The following BEST3 variants were observed in gnomAD, a reference collection of about 807,000 sequenced individuals.
The protein encoded by BEST3 is bestrophin-3.
Under a neutral mutation model 47.1 loss-of-function variants are expected in BEST3, and 50 were observed. That is an observed-to-expected ratio of 1.06 (90% CI 0.85 to 1.34). BEST3 has a LOEUF of 1.34. Ranked by LOEUF, BEST3 falls within the 40% of genes most tolerant of loss-of-function variation. The pLI is 0.00. For synonymous variants in BEST3, 282 were observed against 298.8 expected, an observed-to-expected ratio of 0.94 and a Z score of 0.58; for missense variants, 765 against 817.0, an observed-to-expected ratio of 0.94 and a Z score of 0.78.
At chr12:69,675,212 T>A (rs1474568891) in intron 7 of BEST3, among the ~76,000 whole-genome samples, 1 of 152,160 alleles carries the variant, frequency 6.6e-6, no homozygotes, top group Admixed American at 6.5e-5. Flanking sequence ...CTCGGCCTCC[T>A]GGGCTCAAGT....
At chr12:69,663,995 C>G (rs564253010) in intron 9 of BEST3, among the ~76,000 whole-genome samples, 31 of 152,308 alleles carry the variant, frequency 2.0e-4, no homozygotes, top group Admixed American at 8.5e-4. Context: ...CTTATTAACT[C>G]ATAAAATGGC....
In BEST3 at chr12:69,646,954, G is replaced by A. The variant is rs532945355; in HGVS notation, c.1101-3167C>T. 7.6e-4 allele frequency among the ~76,000 whole-genome samples: 116 copies of A among 152,236 alleles called. 1 individual carries two copies. The highest frequency in any genetic ancestry group is 1.8e-3 in the Admixed American group (28 of 15,296). The stretch of plus-strand genomic sequence containing the variant: ...CCTTGGGGAATAAAAAAAAAGATGA[G>A]ATTCATTCACTTCTGAACCCATCTG... On this transcript the variant is annotated intron_variant, in intron 9 of 9. Transcript: ENST00000331471.
chr12:69,671,368 A>G (rs1884560385), intron 9 of BEST3, 60 bp downstream of exon 9: 2 of 1,422,470 alleles, frequency 1.4e-6, no homozygotes, highest in South Asian at 1.4e-5. Flanking sequence ...TTATAGAGAC[A>G]AGGTCTCACT....
At chr12:69,676,882 C>T (rs746443148) in intron 7 of BEST3, 34 bp downstream of exon 7, 6 of 1,602,082 alleles carry the variant, frequency 3.7e-6, no homozygotes, top group Non-Finnish European at 5.1e-6. Context: ...GAACATAACA[C>T]ATTACAAAGT....
intron 1 of BEST3, among the ~76,000 whole-genome samples, chr12:69,698,263 A>G (rs1191497254): frequency 6.6e-6 from 1 of 152,218 alleles, no homozygotes; most frequent in Non-Finnish European, 1.5e-5. Context: ...ATAGTGATAA[A>G]TAAGAATGGT....
intron 9 of BEST3, among the ~76,000 whole-genome samples, chr12:69,647,946 T>C (rs1883091512): frequency 6.6e-6 from 1 of 152,146 alleles, no homozygotes; most frequent in African/African-American, 2.4e-5. Flanking sequence ...GCAAAGAAGT[T>C]GAAAAGGCAA....
chr12:69,647,754 T>A (rs1057376082), intron 9 of BEST3, among the ~76,000 whole-genome samples: 3 of 152,152 alleles, frequency 2.0e-5, no homozygotes, highest in African/African-American at 7.2e-5. Flanking sequence ...TTGATGAATT[T>A]GATTATATTA....
intron 4 of BEST3, among the ~76,000 whole-genome samples, chr12:69,686,794 G>GAAAA (rs1885638539): frequency 1.2e-4 from 3 of 25,054 alleles, no homozygotes; most frequent in South Asian, 2.0e-3. Context: ...AAAAAAGAAA[G>GAAAA]AAAAGAAAAA....
At chr12:69,693,024 A>G (rs763971499) in intron 4 of BEST3, among the ~76,000 whole-genome samples, 13 of 152,102 alleles carry the variant, frequency 8.5e-5, no homozygotes, top group Non-Finnish European at 1.6e-4. Context: ...GGGCCTTCCA[A>G]ACAGCTCGCC....
chr12:69,663,361 A>C (rs1463781876), intron 9 of BEST3, among the ~76,000 whole-genome samples: 1 of 152,196 alleles, frequency 6.6e-6, no homozygotes, highest in East Asian at 1.9e-4. Context: ...AGTTATTTTT[A>C]TCATGCATGT....
chr12:69,643,636 T>C, exon 10 of BEST3: 2 of 607,024 alleles, frequency 3.3e-6, no homozygotes, highest in Admixed American at 2.6e-5. Flanking sequence ...GCAGATGAGA[T>C]TGTTGGCTTG....
Position 69,694,358 on chromosome 12 carries a change from AC to A in BEST3, c.247+11del. On this transcript the variant is annotated intron_variant, in intron 3 of 9. Coordinates refer to ENST00000330891, the MANE Select transcript of BEST3 (RefSeq NM_032735.3). Reference sequence around the variant, plus strand: ...GCTATGTGGCTGCAATCTGCGTGTGACCTATACTTACCAAGCACAAAGGTTA... The same window carrying A: ...GCTATGTGGCTGCAATCTGCGTGTGACTATACTTACCAAGCACAAAGGTTA... The A allele has an allele frequency of 6.4e-7, 1 of 1,554,366 alleles. No homozygotes were observed. Among genetic ancestry groups the A allele is most frequent in the Non-Finnish European group, 8.8e-7 (1 of 1,131,490 alleles).
intron 1 of BEST3, among the ~76,000 whole-genome samples, chr12:69,698,322 A>C (rs1008226542): frequency 3.3e-5 from 5 of 152,194 alleles, no homozygotes; most frequent in African/African-American, 1.2e-4. Flanking sequence ...GATGGTTCAC[A>C]TTCTCTTTGG....
At chr12:69,675,465 C>T (rs1321263466) in intron 7 of BEST3, among the ~76,000 whole-genome samples, 1 of 152,142 alleles carries the variant, frequency 6.6e-6, no homozygotes. Flanking sequence ...GAAAGCATGT[C>T]AGAGGGAAGG....
chr12:69,682,586 T>A (rs202080607), intron 4 of BEST3, among the ~76,000 whole-genome samples: 1 of 151,026 alleles, frequency 6.6e-6, no homozygotes, highest in Admixed American at 6.6e-5. Context: ...TTTTTTTCAA[T>A]TTTTAATGGG....
chr12:69,653,954 T>A lies in BEST3; in HGVS notation c.*953A>T, dbSNP rs1883304026. 2 of 985,454 alleles carry A rather than the reference T, an allele frequency of 2.0e-6. No homozygotes were observed. The highest frequency in any genetic ancestry group is 4.7e-5 in the South Asian group (1 of 21,290). 61.0% of individuals were successfully genotyped at this position (985,454 alleles called of 1,614,324 possible). A position where few individuals can be genotyped will look rare whatever the true frequency, so the allele number is the denominator to read the frequency against. ...TTCCATAGCATTTGGCTATGCAAAT[T>A]TCATATTCTCTTGGCTTCGTTTTTC... On this transcript the variant is annotated 3_prime_UTR_variant, in exon 10 of 10. Transcript: ENST00000330891.
In BEST3 at chr12:69,677,025, A is replaced by G; in HGVS notation, c.758T>C (p.Ile253Thr). 4 of 1,614,198 alleles carry G rather than the reference A, an allele frequency of 2.5e-6. No homozygotes were observed. Among genetic ancestry groups the G allele is most frequent in the Non-Finnish European group, 3.4e-6 (4 of 1,180,022 alleles). The change falls in exon 7 of 10, where the codon ATT (isoleucine) becomes ACT (threonine). Residue 253 changes from isoleucine (I) to threonine (T), a missense_variant. Coordinates refer to ENST00000330891, the MANE Select transcript of BEST3 (RefSeq NM_032735.3). ...AVYTFFFACL[I>T]GRQFLDPTKG... ...GGTGGGATCCAAAAACTGGCGTCCA[A>G]TCAGGCACGCAAAGAAGAAGGTATA...
chr12:69,678,421 A>G (rs1823485211), intron 5 of BEST3, among the ~76,000 whole-genome samples: 1 of 152,064 alleles, frequency 6.6e-6, no homozygotes, highest in South Asian at 2.1e-4. Context: ...TGGCAAATAT[A>G]CTACATGGGC....
chr12:69,684,755 C>A (rs537115024), intron 4 of BEST3: 8 of 438,336 alleles, frequency 1.8e-5, no homozygotes, highest in Non-Finnish European at 3.3e-5. Flanking sequence ...CTACAGCTGT[C>A]CTTTCCATTC....
Sources: gnomAD v4.1 joint callset for allele counts (sites outside exome capture counted in the v4.1 genomes callset) on GRCh38, gnomAD v4.1.1 for gene constraint, MANE v1.5 for transcripts, NCBI Gene and HGNC (gene_info 2026-07-23, HGNC 2026-07-21) for gene names.